The following NAALAD2 variants were observed in gnomAD, a reference collection of about 807,000 sequenced individuals.
NAALAD2 encodes N-acetylated alpha-linked acidic dipeptidase 2, also known as N-acetylated-alpha-linked acidic dipeptidase 2.
NAALAD2 carries 89 observed loss-of-function variants against 95.6 expected under a neutral mutation model. The observed-to-expected ratio is 0.93, with a 90% confidence interval of 0.78 to 1.11. NAALAD2 has a LOEUF of 1.11. Ranked by LOEUF, NAALAD2 falls within the 50% of genes least tolerant of loss-of-function variation. The pLI is 0.00. For missense variants in NAALAD2, 894 were observed against 872.4 expected (o/e 1.02, Z -0.31); for synonymous variants, 264 against 294.4 (o/e 0.90, Z 1.06).
At chr11:90,180,314 A>G (rs1393938908) in intron 16 of NAALAD2, among the ~76,000 whole-genome samples, 2 of 152,152 alleles carry the variant, frequency 1.3e-5, no homozygotes, top group Non-Finnish European at 2.9e-5. Flanking sequence ...CATAGTTTCT[A>G]TTCTATCTCT....
At chr11:90,152,512 ATTTTGC>A in intron 6 of NAALAD2, 28 bp downstream of exon 6, 1 of 1,556,846 alleles carries the variant, frequency 6.4e-7, no homozygotes, top group Non-Finnish European at 8.8e-7. Context: ...CAGTCCACCA[ATTTTGC>A]AAAAATACTC....
rs1857361214 is a variant in NAALAD2, at chr11:90,192,501, T to C, written c.*754T>C. ...AGAAGTATGAGGAAACTTTCTCCAA[T>C]AGATGAGAATTTTCCGTATCTTGAT... On this transcript the variant is annotated 3_prime_UTR_variant, in exon 19 of 19. Coordinates refer to ENST00000534061, the MANE Select transcript of NAALAD2 (RefSeq NM_005467.4). 1 of 152,018 alleles carries C rather than the reference T, an allele frequency of 6.6e-6. No homozygotes were observed. The highest frequency in any genetic ancestry group is 1.5e-5 in the Non-Finnish European group (1 of 67,908). 9.4% of individuals were successfully genotyped at this position (152,018 alleles called of 1,614,324 possible). A position where few individuals can be genotyped will look rare whatever the true frequency, so the allele number is the denominator to read the frequency against.
At position 90,191,565 on chromosome 11, in the gene NAALAD2, A is replaced by G. The variant is rs747774876; in HGVS notation, c.2041A>G (p.Ile681Val). 4.0e-5 allele frequency: 63 copies of G among 1,583,676 alleles called. No homozygotes were observed. The highest frequency in any genetic ancestry group is 1.7e-4 in the Middle Eastern group (1 of 5,930). Reference protein sequence around the residue: ...LPGKLFYRHIIFAPSSHNKYA... With the variant: ...LPGKLFYRHIVFAPSSHNKYA... Reference sequence around the variant, plus strand: ...TTGTTTTCTTCCTTTTAGGCACATCATATTTGCTCCAAGTAGCCACAACAA... The same window carrying G: ...TTGTTTTCTTCCTTTTAGGCACATCGTATTTGCTCCAAGTAGCCACAACAA... The change falls in exon 19 of 19, where the codon ATA becomes GTA. Residue 681 changes from isoleucine (I) to valine (V), a missense_variant. Transcript: ENST00000534061.
At chr11:90,155,916 A>G (rs971647275) in intron 6 of NAALAD2, among the ~76,000 whole-genome samples, 2 of 144,350 alleles carry the variant, frequency 1.4e-5, no homozygotes, top group African/African-American at 5.1e-5. Context: ...AATATGTAAT[A>G]TATATGTAAT....
chr11:90,168,606 G>C (rs1289307369), intron 11 of NAALAD2, among the ~76,000 whole-genome samples: 1 of 152,152 alleles, frequency 6.6e-6, no homozygotes, highest in Non-Finnish European at 1.5e-5. Flanking sequence ...CCTAGAATAT[G>C]GGAGCCACAT....
intron 6 of NAALAD2, among the ~76,000 whole-genome samples, chr11:90,153,966 G>A (rs1264628922): frequency 1.3e-5 from 2 of 151,696 alleles, no homozygotes; most frequent in Admixed American, 6.6e-5. Flanking sequence ...TTACATACAT[G>A]ATTATGTCAT....
At chr11:90,170,375 CAT>C (rs781037933) in intron 13 of NAALAD2, among the ~76,000 whole-genome samples, 2 of 152,110 alleles carry the variant, frequency 1.3e-5, no homozygotes, top group Non-Finnish European at 2.9e-5. Flanking sequence ...ATAGTTGTAA[CAT>C]GTATTTATCT....
chr11:90,145,645 A>G (rs1044066058), intron 2 of NAALAD2, among the ~76,000 whole-genome samples: 2 of 152,188 alleles, frequency 1.3e-5, no homozygotes, highest in African/African-American at 4.8e-5. Flanking sequence ...ATCTTCTGAG[A>G]GAAGATGATG....
At position 90,147,489 on chromosome 11, in the gene NAALAD2, A is replaced by G; in HGVS notation, c.354A>G (p.Ile118Met). ...SYPNETNANY[I>M]SIVDEHETEI... is the part of the protein sequence containing the mutation. ...CCAATGAGACAAATGCCAACTATAT[A>G]TCGATTGTGGATGAACATGAAACTG... The change falls in exon 3 of 19, where the codon ATA becomes ATG. Residue 118 changes from isoleucine (I) to methionine (M), a missense_variant. Coordinates refer to ENST00000534061, the MANE Select transcript of NAALAD2 (RefSeq NM_005467.4). 6.2e-7 allele frequency: 1 copy of G among 1,610,504 alleles called. No individual in the cohort carries two copies. Among genetic ancestry groups the G allele is most frequent in the Non-Finnish European group, 8.5e-7 (1 of 1,178,678 alleles).
chr11:90,155,573 TAATATATATGTAA>T (rs1338949623), intron 6 of NAALAD2, among the ~76,000 whole-genome samples: 1 of 87,992 alleles, frequency 1.1e-5, no homozygotes, highest in Non-Finnish European at 1.9e-5. Flanking sequence ...ATATAATATA[TAATATATATGTAA>T]TATATATGTA....
chr11:90,149,341 C>T (rs1951829373), intron 4 of NAALAD2, among the ~76,000 whole-genome samples: 1 of 152,176 alleles, frequency 6.6e-6, no homozygotes, highest in Non-Finnish European at 1.5e-5. Context: ...ACTGACCCTG[C>T]TGAAGCAGTT....
In NAALAD2 at chr11:90,134,786, C is replaced by T. The variant is rs751800624; in HGVS notation, c.28C>T (p.Leu10Phe). The change falls in exon 1 of 19, where the codon CTT becomes TTT. Residue 10 changes from leucine (L) to phenylalanine (F), a missense_variant. Coordinates refer to ENST00000534061, the MANE Select transcript of NAALAD2 (RefSeq NM_005467.4). ...GGCGGAATCCAGGGGCCGTCTGTAC[C>T]TTTGGATGTGCTTGGCTGCTGCGCT... MAESRGRLY[L>F]WMCLAAALAS... 21 of 1,614,010 alleles carry T rather than the reference C, an allele frequency of 1.3e-5. No individual in the cohort carries two copies. The highest frequency in any genetic ancestry group is 1.7e-5 in the Non-Finnish European group (20 of 1,180,044).
chr11:90,165,366 C>T (rs1219327530), intron 11 of NAALAD2, among the ~76,000 whole-genome samples: 3 of 152,040 alleles, frequency 2.0e-5, no homozygotes, highest in Non-Finnish European at 4.4e-5. Context: ...GTAGTATTTC[C>T]AGGTAGGTGC....
At chr11:90,135,217 C>A (rs1951424455) in intron 1 of NAALAD2, 2 of 305,326 alleles carry the variant, frequency 6.6e-6, no homozygotes, top group Non-Finnish European at 1.2e-5. Flanking sequence ...CAAAACAAAA[C>A]CCTGCTCTAT....
intron 18 of NAALAD2, among the ~76,000 whole-genome samples, chr11:90,184,158 T>C (rs186175200): frequency 1.7e-4 from 26 of 152,324 alleles, no homozygotes; most frequent in African/African-American, 5.8e-4. Context: ...CTTTAAAGGC[T>C]ATTTATCATC....
chr11:90,182,004 C>T (rs1952987156), intron 17 of NAALAD2, among the ~76,000 whole-genome samples: 1 of 151,728 alleles, frequency 6.6e-6, no homozygotes, highest in South Asian at 2.1e-4. Flanking sequence ...AAAACTCATC[C>T]CAAAGAGACA....
intron 4 of NAALAD2, among the ~76,000 whole-genome samples, chr11:90,149,812 T>C (rs1455088101): frequency 6.6e-6 from 1 of 152,232 alleles, no homozygotes; most frequent in African/African-American, 2.4e-5. Flanking sequence ...GATAGGATTT[T>C]ATAGATCATA....
At chr11:90,167,797 T>C (rs1254183326) in intron 11 of NAALAD2, among the ~76,000 whole-genome samples, 1 of 152,146 alleles carries the variant, frequency 6.6e-6, no homozygotes, top group African/African-American at 2.4e-5. Context: ...AAAGAACTTT[T>C]GTGTGTAGCT....
At chr11:90,144,757 G>GAAAAAAAA (rs1302696048) in intron 2 of NAALAD2, among the ~76,000 whole-genome samples, 7 of 129,482 alleles carry the variant, frequency 5.4e-5, no homozygotes, top group South Asian at 4.9e-4. Context: ...AAAAAAAAAC[G>GAAAAAAAA]GAAAAGAAAG....
Sources: gnomAD v4.1 joint callset for allele counts (sites outside exome capture counted in the v4.1 genomes callset) on GRCh38, gnomAD v4.1.1 for gene constraint, MANE v1.5 for transcripts, NCBI Gene and HGNC (gene_info 2026-07-23, HGNC 2026-07-21) for gene names.